Variants in ZNF678 observed in about 807,000 individuals in gnomAD.
The protein encoded by ZNF678 is zinc finger protein 678, also known as hypothetical protein MGC42493.
In ZNF678, 5 loss-of-function variants were observed where a neutral mutation model predicts 3.0. That is an observed-to-expected ratio of 1.69 (90% CI 0.88 to 3.56). ZNF678 has a LOEUF of 3.56. Among genes scored for constraint, ZNF678 ranks in the 30% most tolerant of loss-of-function variants. ZNF678 has a pLI of 0.00. For missense variants in ZNF678, 593 were observed against 605.0 expected (o/e 0.98, Z 0.21); for synonymous variants, 218 against 199.6 (o/e 1.09, Z -0.78).
At chr1:227,616,849 G>A (rs1048032038) in intron 1 of ZNF678, among the ~76,000 whole-genome samples, 1 of 152,186 alleles carries the variant, frequency 6.6e-6, no homozygotes, top group Non-Finnish European at 1.5e-5. Context: ...GAGGCCATAG[G>A]TGCCAGCTTG....
At chr1:227,597,361 C>G (rs1474978106) in intron 1 of ZNF678, among the ~76,000 whole-genome samples, 4 of 152,248 alleles carry the variant, frequency 2.6e-5, no homozygotes, top group African/African-American at 9.6e-5. Context: ...TCATAGCCAT[C>G]ACGAACGTGT....
rs968060577 is a variant in ZNF678, at chr1:227,573,409, A to G, written c.-164+9685A>G. Among the ~76,000 whole-genome samples the G allele has an allele frequency of 7.2e-5, 11 of 152,372 alleles. No homozygotes were observed. In the East Asian group the frequency reaches 2.1e-3, roughly 29 times the overall value. On this transcript the variant is annotated intron_variant, in intron 1 of 3. Coordinates refer to ENST00000343776, the MANE Select transcript of ZNF678 (RefSeq NM_001367909.1). ...AAAAGCCCATTGACAGATTGAGCTC[A>G]TAATGCATACACTAATTTATTCATG...
rs376051230 is a variant in ZNF678 at position 227,661,291 on chromosome 1, G to A, written c.*5463G>A. 146 of 133,510 alleles carry A rather than the reference G, an allele frequency of 1.1e-3. No individual in the cohort carries two copies. Among genetic ancestry groups the A allele is most frequent in the African/African-American group, 4.0e-3 (143 of 36,060 alleles). 8.3% of individuals were successfully genotyped at this position (133,510 alleles called of 1,614,324 possible). Reference sequence around the variant, plus strand: ...TTGTTTTTTTTTGTTGTTTTGTTTTGTTTTGTTTTTGTTGTTGTTGTTGTT... The same window carrying A: ...TTGTTTTTTTTTGTTGTTTTGTTTTATTTTGTTTTTGTTGTTGTTGTTGTT... On this transcript the variant is annotated 3_prime_UTR_variant, in exon 4 of 4. Transcript: ENST00000343776.
chr1:227,654,315 T>G, intron 3 of ZNF678, 21 bp from the exon 4 acceptor site: 1 of 1,486,630 alleles, frequency 6.7e-7, no homozygotes, highest in Non-Finnish European at 8.9e-7. Flanking sequence ...AAGAATAACT[T>G]TTTATTTTTA....
rs752758021 is a variant in ZNF678 at position 227,650,986 on chromosome 1, T to C, written c.-6T>C. The C allele has an allele frequency of 1.9e-6, 3 of 1,612,268 alleles. No homozygotes were observed. The highest frequency in any genetic ancestry group is 1.1e-5 in the South Asian group (1 of 90,940). On this transcript the variant is annotated 5_prime_UTR_variant, in exon 3 of 4. Coordinates refer to ENST00000343776, the MANE Select transcript of ZNF678 (RefSeq NM_001367909.1). ...CCAGGACTATGTTAAAATAGAAGCA[T>C]TGATAATGGGCACAATATCACTTTG...
chr1:227,679,508 C>A (rs894312954), downstream of ZNF678, among the ~76,000 whole-genome samples: 1 of 151,132 alleles, frequency 6.6e-6, no homozygotes, highest in Non-Finnish European at 1.5e-5. Context: ...AGCCCCCACT[C>A]ACGTACCCCC....
chr1:227,578,165 A>G (rs1657034200), intron 1 of ZNF678, among the ~76,000 whole-genome samples: 1 of 152,140 alleles, frequency 6.6e-6, no homozygotes, highest in Non-Finnish European at 1.5e-5. Flanking sequence ...AGCTGTCTTT[A>G]ACATTTTTCC....
chr1:227,575,956 A>G (rs2088211), intron 1 of ZNF678, among the ~76,000 whole-genome samples: 81,875 of 151,960 alleles, frequency 0.54, 22,997 homozygotes, highest in Non-Finnish European at 0.62. Flanking sequence ...ATCATGAAGC[A>G]TTGTTGAATT....
At chr1:227,666,383 T>C (rs1207507012), downstream of ZNF678, among the ~76,000 whole-genome samples, 1 of 152,210 alleles carries the variant, frequency 6.6e-6, no homozygotes, top group Non-Finnish European at 1.5e-5. Flanking sequence ...ATCTATTGTG[T>C]CTGGATACTA....
At chr1:227,599,807 A>AT (rs1217187252) in intron 1 of ZNF678, among the ~76,000 whole-genome samples, 1 of 151,990 alleles carries the variant, frequency 6.6e-6, no homozygotes, top group Non-Finnish European at 1.5e-5. Context: ...CAGCTTTATT[A>AT]TTTTTTCTTT....
intron 1 of ZNF678, among the ~76,000 whole-genome samples, chr1:227,590,066 T>C (rs1657370746): frequency 6.6e-6 from 1 of 151,820 alleles, no homozygotes; most frequent in Non-Finnish European, 1.5e-5. Context: ...ATGAAACCTT[T>C]TACCATTTGA....
At chr1:227,617,801 A>T (rs1658178146) in intron 1 of ZNF678, among the ~76,000 whole-genome samples, 1 of 152,202 alleles carries the variant, frequency 6.6e-6, no homozygotes, top group Non-Finnish European at 1.5e-5. Context: ...AAATGAAGCT[A>T]CCCATCTTCT....
intron 1 of ZNF678, among the ~76,000 whole-genome samples, chr1:227,583,894 A>C (rs969096843): frequency 6.6e-5 from 10 of 152,200 alleles, no homozygotes; most frequent in Non-Finnish European, 1.5e-4. Flanking sequence ...TACTGTAGAG[A>C]TCAAACTAAT....
intron 1 of ZNF678, among the ~76,000 whole-genome samples, chr1:227,613,096 T>G (rs1658059155): frequency 6.6e-6 from 1 of 152,154 alleles, no homozygotes; most frequent in Non-Finnish European, 1.5e-5. Flanking sequence ...AATGGGCTGA[T>G]GAAGACTTTG....
At chr1:227,622,325 C>T (rs554127985) in intron 1 of ZNF678, among the ~76,000 whole-genome samples, 2 of 152,324 alleles carry the variant, frequency 1.3e-5, no homozygotes, top group African/African-American at 2.4e-5. Context: ...TATGATTTGT[C>T]AGCACCCACA....
rs1656684780 is a variant in ZNF678, at chr1:227,566,323, T to G, written c.-164+2599T>G. Among the ~76,000 whole-genome samples the G allele has an allele frequency of 2.0e-5, 3 of 152,208 alleles. No individual in the cohort carries two copies. In the South Asian group the frequency reaches 6.2e-4, roughly 31 times the overall value. On this transcript the variant is annotated intron_variant, in intron 1 of 3. Coordinates refer to ENST00000343776, the MANE Select transcript of ZNF678 (RefSeq NM_001367909.1). ...TCCCCCAACCCCCAATTTCATTGCC[T>G]GGAGACACATCAGTGGTGTTGGGAA...
intron 1 of ZNF678, among the ~76,000 whole-genome samples, chr1:227,630,160 A>G (rs1431591873): frequency 6.6e-6 from 1 of 152,160 alleles, no homozygotes; most frequent in African/African-American, 2.4e-5. Context: ...ACAGAGAGGT[A>G]TGCTTCCTCA....
Position 227,654,394 on chromosome 1 carries a change from C to T in ZNF678, c.144C>T (p.Cys48=), listed in dbSNP as rs373699003. The T allele has an allele frequency of 9.3e-6, 15 of 1,605,206 alleles. No individual in the cohort carries two copies. Among genetic ancestry groups the T allele is most frequent in the Admixed American group, 1.7e-5 (1 of 58,460 alleles). The change falls in exon 4 of 4, where the codon TGC becomes TGT. Residue 48 remains cysteine (C), a synonymous_variant. Transcript: ENST00000343776. The part of the protein sequence containing the change: ...LLPEQDMKDL[C]QKVTLTRHRS... ...CAGAGCAGGATATGAAAGATTTATGCCAAAAAGTGACACTGACAAGACATA... is the reference window on the plus strand; with the variant it reads ...CAGAGCAGGATATGAAAGATTTATGTCAAAAAGTGACACTGACAAGACATA...
At chr1:227,651,415 C>G (rs1659090393) in intron 3 of ZNF678, among the ~76,000 whole-genome samples, 1 of 152,158 alleles carries the variant, frequency 6.6e-6, no homozygotes, top group African/African-American at 2.4e-5. Flanking sequence ...AGGTCTAGAA[C>G]TGAGTTATTC....
Sources: gnomAD v4.1 joint callset for allele counts (sites outside exome capture counted in the v4.1 genomes callset) on GRCh38, gnomAD v4.1.1 for gene constraint, MANE v1.5 for transcripts, NCBI Gene and HGNC (gene_info 2026-07-23, HGNC 2026-07-21) for gene names.